The following WDR27 variants were observed in gnomAD, a reference collection of about 807,000 sequenced individuals.
WDR27 encodes WD repeat domain 27.
In WDR27, 100 loss-of-function variants were observed where a neutral mutation model predicts 114.4. The observed-to-expected ratio is 0.87, with a 90% CI of 0.74 to 1.03. The LOEUF is 1.03. Ranked by LOEUF, WDR27 falls within the 50% of genes least tolerant of loss-of-function variation. The pLI, the probability that WDR27 is intolerant of heterozygous loss-of-function variation, is 0.00. For synonymous variants in WDR27, 449 were observed against 423.1 expected (o/e 1.06, Z -0.75); for missense variants, 1,129 against 1,092.9 (o/e 1.03, Z -0.47).
intron 25 of WDR27, among the ~76,000 whole-genome samples, chr6:169,544,336 T>C (rs1199252200): frequency 1.3e-5 from 2 of 151,038 alleles, no homozygotes; most frequent in Non-Finnish European, 2.9e-5. Flanking sequence ...CCAAGAAATT[T>C]ATTAAAAAAA....
intron 25 of WDR27, among the ~76,000 whole-genome samples, chr6:169,551,988 T>A (rs1171203629): frequency 6.6e-6 from 1 of 152,126 alleles, no homozygotes; most frequent in Non-Finnish European, 1.5e-5. Flanking sequence ...CTCAGTGATC[T>A]ACTCAATACC....
intron 25 of WDR27, among the ~76,000 whole-genome samples, chr6:169,509,742 A>T (rs938264129): frequency 6.6e-6 from 1 of 152,154 alleles, no homozygotes; most frequent in Non-Finnish European, 1.5e-5. Context: ...TGTCTAAAAC[A>T]CCAAAAGCAG....
chr6:169,579,682 C>T (rs2867149), intron 24 of WDR27, among the ~76,000 whole-genome samples: 135,131 of 152,204 alleles, frequency 0.89, 60,688 homozygotes, highest in East Asian at 0.99. Context: ...GGAACTCCCA[C>T]CCCTTTTCCA....
chr6:169,657,130 G>T (rs76282322), intron 13 of WDR27, among the ~76,000 whole-genome samples: 1 of 152,172 alleles, frequency 6.6e-6, no homozygotes, highest in Non-Finnish European at 1.5e-5. Context: ...AGCAGGGACC[G>T]CCATGGCAGG....
intron 25 of WDR27, among the ~76,000 whole-genome samples, chr6:169,516,696 A>C (rs1416502698): frequency 1.3e-5 from 2 of 151,944 alleles, no homozygotes; most frequent in Non-Finnish European, 1.5e-5. Flanking sequence ...GCATGCTAAC[A>C]AAGAACCTGA....
chr6:169,654,176 CAA>C (rs1823380678), intron 13 of WDR27, among the ~76,000 whole-genome samples: 1 of 152,126 alleles, frequency 6.6e-6, no homozygotes, highest in Non-Finnish European at 1.5e-5. Context: ...AACAACACAA[CAA>C]AAAGAGTATA....
Position 169,665,477 on chromosome 6 carries a change from C to T in WDR27, c.783+9G>A. 6.2e-7 allele frequency: 1 copy of T among 1,611,458 alleles called. No individual in the cohort carries two copies. Among genetic ancestry groups the T allele is most frequent in the Non-Finnish European group, 8.5e-7 (1 of 1,178,810 alleles). Reference sequence around the variant, plus strand: ...TGGGAACTGGAACTTAACTCTGTGGCTGTCTCACCTGGCCGTCAGCACACC... The same window carrying T: ...TGGGAACTGGAACTTAACTCTGTGGTTGTCTCACCTGGCCGTCAGCACACC... On this transcript the variant is annotated intron_variant, in intron 7 of 25. Coordinates refer to ENST00000448612, the MANE Select transcript of WDR27 (RefSeq NM_182552.5).
chr6:169,607,564 CA>C (rs1562682487), intron 22 of WDR27, among the ~76,000 whole-genome samples: 1 of 152,094 alleles, frequency 6.6e-6, no homozygotes, highest in Admixed American at 6.5e-5. Context: ...CTATGTGTGG[CA>C]GATAAATAAT....
At chr6:169,615,772 T>C (rs1467194303) in intron 21 of WDR27, among the ~76,000 whole-genome samples, 1 of 151,938 alleles carries the variant, frequency 6.6e-6, no homozygotes, top group Non-Finnish European at 1.5e-5. Flanking sequence ...AAAGCAAAAA[T>C]TGACAAGTGG....
intron 25 of WDR27, among the ~76,000 whole-genome samples, chr6:169,522,172 C>G (rs1002536179): frequency 6.6e-6 from 1 of 151,902 alleles, no homozygotes; most frequent in African/African-American, 2.4e-5. Context: ...CAAAAAAGGT[C>G]AAGAGTAGCT....
At chr6:169,570,732 G>T (rs1196434240) in intron 25 of WDR27, among the ~76,000 whole-genome samples, 1 of 152,162 alleles carries the variant, frequency 6.6e-6, no homozygotes, top group Admixed American at 6.5e-5. Flanking sequence ...GGGAGGCTGC[G>T]GCAGGAGAAT....
chr6:169,618,274 G>C (rs966684431), intron 21 of WDR27, among the ~76,000 whole-genome samples: 1 of 152,010 alleles, frequency 6.6e-6, no homozygotes, highest in Non-Finnish European at 1.5e-5. Context: ...ATTAAAATTA[G>C]CTGTCTAGTA....
At chr6:169,669,887 C>T (rs1229894993) in intron 4 of WDR27, 1 of 152,100 alleles carries the variant, frequency 6.6e-6, no homozygotes, top group Non-Finnish European at 1.5e-5. Context: ...ACATTCCATG[C>T]CGAACATCCT....
intron 2 of WDR27, among the ~76,000 whole-genome samples, chr6:169,685,777 G>A (rs2128324624): frequency 6.6e-6 from 1 of 152,308 alleles, no homozygotes; most frequent in Non-Finnish European, 1.5e-5. Flanking sequence ...AGAAGGTGAG[G>A]AAGACATATT....
rs959231393 is a variant in WDR27 at position 169,457,339 on chromosome 6, G to A, written c.*253C>T. 1.6e-5 allele frequency: 6 copies of A among 385,920 alleles called. No individual in the cohort carries two copies. The highest frequency in any genetic ancestry group is 1.2e-4 in the African/African-American group (6 of 48,170). The allele number at this position is 385,920 out of a possible 1,614,324, so 23.9% of individuals were successfully genotyped here. On this transcript the variant is annotated 3_prime_UTR_variant, in exon 26 of 26. Transcript: ENST00000448612. ...TTTTGTTTTAACTTTACCAAATTCT[G>A]TGCAGAAGTACTGGACGCCATTTCC...
At chr6:169,585,613 C>T (rs553536595) in intron 23 of WDR27, among the ~76,000 whole-genome samples, 1 of 152,102 alleles carries the variant, frequency 6.6e-6, no homozygotes, top group Non-Finnish European at 1.5e-5. Context: ...ATTTCATATG[C>T]TATATGTATT....
intron 25 of WDR27, among the ~76,000 whole-genome samples, chr6:169,480,097 G>C (rs546229275): frequency 7.9e-4 from 121 of 152,314 alleles, no homozygotes; most frequent in African/African-American, 2.7e-3. Context: ...GTGAGTTCCA[G>C]GTGGATGCGG....
the WDR27 span, among the ~76,000 whole-genome samples, chr6:169,446,625 AG>A: frequency 1.3e-5 from 2 of 152,336 alleles, no homozygotes; most frequent in African/African-American, 4.8e-5. Flanking sequence ...GCAGGAGGAA[AG>A]ATCTTAAAAG....
the WDR27 span, among the ~76,000 whole-genome samples, chr6:169,448,354 T>TTCTCTC: frequency 6.7e-6 from 1 of 149,750 alleles, no homozygotes; most frequent in African/African-American, 2.5e-5. Context: ...GTTGTTGATT[T>TTCTCTC]TCTCTCTCTC....
Sources: gnomAD v4.1 joint callset for allele counts (sites outside exome capture counted in the v4.1 genomes callset) on GRCh38, gnomAD v4.1.1 for gene constraint, MANE v1.5 for transcripts, NCBI Gene and HGNC (gene_info 2026-07-23, HGNC 2026-07-21) for gene names.